The following SEMA7A variants were observed in gnomAD, a reference collection of about 807,000 sequenced individuals.
The protein encoded by SEMA7A is semaphorin 7A (JohnMiltonHagen blood group).
In SEMA7A, 21 loss-of-function variants were observed where a neutral mutation model predicts 67.5. The ratio of observed to expected loss-of-function variants is 0.31; its 90% confidence interval spans 0.22 to 0.45. SEMA7A has a LOEUF of 0.45. SEMA7A is among the 20% of genes least tolerant of loss of function. SEMA7A has a pLI of 1.00. For missense variants in SEMA7A, 774 were observed against 908.6 expected (o/e 0.85, Z 1.90); for synonymous variants, 364 against 368.5 (o/e 0.99, Z 0.14).
intron 1 of SEMA7A, among the ~76,000 whole-genome samples, chr15:74,422,972 G>C (rs999308882): frequency 6.6e-6 from 1 of 152,242 alleles, no homozygotes; most frequent in Non-Finnish European, 1.5e-5. Context: ...CCCATGCTCT[G>C]GTCTGGCAAA....
intron 1 of SEMA7A, among the ~76,000 whole-genome samples, chr15:74,419,886 G>A (rs986484887): frequency 2.6e-5 from 4 of 152,218 alleles, no homozygotes; most frequent in African/African-American, 9.6e-5. Context: ...TGCCTCTGGG[G>A]AGGTGTCTCA....
chr15:74,428,613 G>C (rs2415244), intron 1 of SEMA7A, among the ~76,000 whole-genome samples: 1,695 of 152,344 alleles, frequency 0.011, 22 homozygotes, highest in African/African-American at 0.039. Flanking sequence ...GGTGAGTGGG[G>C]TGCAGAGAGG....
chr15:74,413,797 T>C (rs1449081138), intron 10 of SEMA7A, among the ~76,000 whole-genome samples: 3 of 152,026 alleles, frequency 2.0e-5, no homozygotes, highest in Non-Finnish European at 4.4e-5. Flanking sequence ...GGAGATCACA[T>C]GGGGAATGTG....
chr15:74,429,824 C>G (rs1428901162), intron 1 of SEMA7A, among the ~76,000 whole-genome samples: 1 of 152,132 alleles, frequency 6.6e-6, no homozygotes, highest in Non-Finnish European at 1.5e-5. Context: ...GTGGTCCTAG[C>G]TGTAAGTTCT....
Position 74,417,609 on chromosome 15 carries a change from A to G in SEMA7A, c.532T>C (p.Ser178Pro). ...GCCCTACCTTCAAACAGAACCAGGG[A>G]GTTCTCGTCCGGGCTGAAGGGGGCG... ...GYAPFSPDENSLVLFEGDEVY... is the reference protein window; with the variant it reads ...GYAPFSPDENPLVLFEGDEVY... The change falls in exon 5 of 14, where the codon TCC becomes CCC. Residue 178 changes from serine (S) to proline (P), a missense_variant. Ser to Pro is a moderately conservative substitution (Grantham distance 74). Transcript: ENST00000261918. 1 of 1,612,858 alleles carries G rather than the reference A, an allele frequency of 6.2e-7. No homozygotes were observed. Among genetic ancestry groups the G allele is most frequent in the Non-Finnish European group, 8.5e-7 (1 of 1,179,874 alleles).
chr15:74,425,303 T>C (rs61153292), intron 1 of SEMA7A, among the ~76,000 whole-genome samples: 5,187 of 152,340 alleles, frequency 0.034, 129 homozygotes, highest in Middle Eastern at 0.12. Context: ...TGAACTCTCA[T>C]GAAGTAGGTT....
At position 74,411,917 on chromosome 15, in the gene SEMA7A, C is replaced by G; in HGVS notation, c.1390G>C (p.Ala464Pro). Reference protein sequence around the residue: ...MEIQPFRRAAAIQTMSLDAER... With the variant: ...MEIQPFRRAAPIQTMSLDAER... ...GCATCCAGCGACATGGTCTGGATGG[C>G]AGCCGCGCGGCGGAAGGGCTGGATC... The change falls in exon 11 of 14, where the codon GCC becomes CCC. Residue 464 changes from alanine to proline, a missense_variant. Physicochemically the swap from Ala to Pro is conservative, Grantham distance 27 (BLOSUM62 -1). Around this residue, in one of 2 missense-constraint regions of SEMA7A, gnomAD observed 427 missense variants for 555.4 expected, o/e 0.77. Transcript: ENST00000261918. The surrounding 1 kb of genome is among the most constrained non-coding windows in gnomAD (Gnocchi z 4.4). 6.2e-7 allele frequency: 1 copy of G among 1,614,024 alleles called. No individual in the cohort carries two copies. The highest frequency in any genetic ancestry group is 8.5e-7 in the Non-Finnish European group (1 of 1,180,036).
chr15:74,416,010 GC>G, intron 7 of SEMA7A, 25 bp from the exon 8 acceptor site: 1 of 1,607,868 alleles, frequency 6.2e-7, no homozygotes, highest in Non-Finnish European at 8.5e-7. Flanking sequence ...GGGAGAAGAG[GC>G]CCCTCAGCAC....
intron 1 of SEMA7A, among the ~76,000 whole-genome samples, chr15:74,433,152 G>GCAC (rs1324384516): frequency 6.6e-6 from 1 of 152,012 alleles, no homozygotes; most frequent in Non-Finnish European, 1.5e-5. Flanking sequence ...CCGCCGCACC[G>GCAC]CACCATGTCC....
At chr15:74,417,732 T>C (rs2060964205) in intron 4 of SEMA7A, 57 bp from the exon 5 acceptor site, 1 of 1,560,176 alleles carries the variant, frequency 6.4e-7, no homozygotes, top group Non-Finnish European at 8.8e-7. Flanking sequence ...CTGCCTCCCA[T>C]GACGGCCAGT....
At chr15:74,413,159 T>C (rs1245148400) in intron 10 of SEMA7A, among the ~76,000 whole-genome samples, 2 of 151,764 alleles carry the variant, frequency 1.3e-5, no homozygotes, top group Admixed American at 1.3e-4. Flanking sequence ...CAGATGCTCC[T>C]TGGGCCTGAT....
At position 74,416,002 on chromosome 15, in the gene SEMA7A, G is replaced by A. The variant is rs1165450372; in HGVS notation, c.802-17C>T. On this transcript the variant is annotated splice_polypyrimidine_tract_variant and intron_variant, in intron 7 of 13. Coordinates refer to ENST00000261918, the MANE Select transcript of SEMA7A (RefSeq NM_003612.5). ...CTGGTCCCCCTGGAAGGGTAGAGGGGAGAAGAGGCCCCTCAGCACCTGCCC... is the reference window on the plus strand; with the variant it reads ...CTGGTCCCCCTGGAAGGGTAGAGGGAAGAAGAGGCCCCTCAGCACCTGCCC... 1.9e-6 allele frequency: 3 copies of A among 1,611,780 alleles called. No homozygotes were observed. Among genetic ancestry groups the A allele is most frequent in the Middle Eastern group, 1.7e-4 (1 of 6,046 alleles).
chr15:74,414,061 C>T lies in SEMA7A; in HGVS notation c.1294+486G>A, dbSNP rs1351897901. ...CCTCTGTGAGATGGCAAAGGTTCTG[C>T]CCCCTGGAACTCCTTCCTCATACCT... On this transcript the variant is annotated intron_variant, in intron 10 of 13. Transcript: ENST00000261918. This position sits in a 1 kb window ranked among gnomAD's most constrained non-coding sequence, Gnocchi z 4.1. Among the ~76,000 whole-genome samples, 2 of 152,148 alleles carry T rather than the reference C, an allele frequency of 1.3e-5. No individual in the cohort carries two copies. The highest frequency in any genetic ancestry group is 2.1e-4 in the South Asian group (1 of 4,828).
intron 1 of SEMA7A, among the ~76,000 whole-genome samples, chr15:74,431,059 T>C (rs1243960209): frequency 6.6e-6 from 1 of 152,066 alleles, no homozygotes; most frequent in Non-Finnish European, 1.5e-5. Context: ...ACTGATAAAA[T>C]GGAAGAGGGG....
Position 74,414,794 on chromosome 15 carries a change from CAGA to C in SEMA7A, c.1095+41_1095+43del, listed in dbSNP as rs2060932068. The C allele has an allele frequency of 6.2e-7, 1 of 1,613,852 alleles. No homozygotes were observed. Among genetic ancestry groups the C allele is most frequent in the Non-Finnish European group, 8.5e-7 (1 of 1,179,856 alleles). On this transcript the variant is annotated intron_variant, in intron 9 of 13. Transcript: ENST00000261918. The surrounding 1 kb of genome is among the most constrained non-coding windows in gnomAD (Gnocchi z 4.1). ...GTCAGTGGGGTGGTGGGAGGTGAGG[CAGA>C]AGGAGGGCTGGGCCTGGGCCACGGC...
At chr15:74,419,488 A>G (rs1170809093) in intron 1 of SEMA7A, among the ~76,000 whole-genome samples, 1 of 152,172 alleles carries the variant, frequency 6.6e-6, no homozygotes. Flanking sequence ...TCCTTCAGGA[A>G]TCCCTCTCCA....
chr15:74,416,439 G>T, intron 7 of SEMA7A, 136 bp downstream of exon 7: 1 of 901,560 alleles, frequency 1.1e-6, no homozygotes, highest in Non-Finnish European at 1.7e-6. Flanking sequence ...ACACACAGCT[G>T]CTCCCACAGT....
At chr15:74,416,056 C>T in intron 7 of SEMA7A, 71 bp from the exon 8 acceptor site, 1 of 1,485,046 alleles carries the variant, frequency 6.7e-7, no homozygotes, top group South Asian at 1.2e-5. Flanking sequence ...CAGGAAACCA[C>T]TGCCAGCAAT....
Position 74,414,656 on chromosome 15 carries a change from C to T in SEMA7A, c.1185G>A (p.Gly395=), listed in dbSNP as rs1393174034. ...AGTGGAACAATGGCGTCTTCAGAGG[C>T]CCCATGGGCTCCACCCTCTGCGCCA... The part of the protein sequence containing the change: ...PEVAQRVEPM[G]PLKTPLFHSK... The change falls in exon 10 of 14, where the codon GGG becomes GGA. Residue 395 remains glycine (G), a synonymous_variant. Transcript: ENST00000261918. This position sits in a 1 kb window ranked among gnomAD's most constrained non-coding sequence, Gnocchi z 4.1. The T allele has an allele frequency of 1.9e-6, 3 of 1,614,050 alleles. No individual in the cohort carries two copies.
Sources: gnomAD v4.1 joint callset for allele counts (sites outside exome capture counted in the v4.1 genomes callset) on GRCh38, gnomAD v4.1.1 for gene constraint, gnomAD v4.1.1 regional missense constraint, Gnocchi (gnomAD v3.1) non-coding constraint, MANE v1.5 for transcripts, NCBI Gene and HGNC (gene_info 2026-07-23, HGNC 2026-07-21) for gene names.